Variants in ZNF711 observed in about 807,000 individuals in gnomAD.
ZNF711 encodes the protein ZFX family zinc finger ZNF711.
Under a neutral mutation model 43.5 loss-of-function variants are expected in ZNF711, and 3 were observed. The ratio of observed to expected loss-of-function variants is 0.07; its 90% CI spans 0.03 to 0.18. ZNF711 has a LOEUF of 0.18. Ranked by LOEUF, ZNF711 falls within the 10% of genes least tolerant of loss-of-function variation. The pLI is 1.00. For synonymous variants in ZNF711, 209 were observed against 207.7 expected, an observed-to-expected ratio of 1.01 and a Z score of -0.06; for missense variants, 412 against 604.0, an observed-to-expected ratio of 0.68 and a Z score of 3.33.
At chrX:85,254,848 A>G (rs184633919) in intron 4 of ZNF711, among the ~76,000 whole-genome samples, 24 of 109,255 alleles carry the variant, frequency 2.2e-4, no homozygotes, top group Non-Finnish European at 4.6e-4. Flanking sequence ...TCGCCAAACT[A>G]TTTTCGAGAG....
chrX:85,269,457 T>A (rs1172096975), intron 9 of ZNF711, among the ~76,000 whole-genome samples: 1 of 108,094 alleles, frequency 9.3e-6, no homozygotes, highest in Non-Finnish European at 1.9e-5. Context: ...CATAGCTCAC[T>A]GCAACCTTGA....
rs1928747701 is a variant in ZNF711, at chrX:85,244,110, A to C, written c.-487A>C. The C allele has an allele frequency of 6.8e-6, 1 of 147,818 alleles. No homozygotes were observed. Among genetic ancestry groups the C allele is most frequent in the South Asian group, 2.3e-4 (1 of 4,323 alleles). 12.2% of individuals were successfully genotyped at this position (147,818 alleles called of 1,213,427 possible). On this transcript the variant is annotated 5_prime_UTR_variant, in exon 1 of 11. Transcript: ENST00000674551. ...CCATCCAGAGCGCGGTCACAGTCCG[A>C]CTGGCGGCACGGAGGCGGCGGCGGC...
chrX:85,270,295 T>A (rs1931471084), intron 10 of ZNF711, 149 bp downstream of exon 10: 3 of 557,309 alleles, frequency 5.4e-6, no homozygotes, highest in East Asian at 3.8e-5. Flanking sequence ...TTTTTTTTTT[T>A]ACTTTGTGTG....
intron 5 of ZNF711, among the ~76,000 whole-genome samples, chrX:85,260,567 A>G (rs1460467707): frequency 2.0e-5 from 2 of 102,278 alleles, no homozygotes; most frequent in East Asian, 6.1e-4. Context: ...GAACTTTTTC[A>G]TCACCACAAA....
At chrX:85,247,711 C>A in intron 4 of ZNF711, 60 bp downstream of exon 4, 11 of 946,005 alleles carry the variant, frequency 1.2e-5, no homozygotes, top group South Asian at 2.0e-5. Flanking sequence ...TAATAAAAAT[C>A]AAAAATAAGT....
Position 85,254,461 on chromosome X carries a change from G to T in ZNF711, c.80-798G>T, listed in dbSNP as rs61533007. ...CTACTAAAAAAAATACAAAAAATTA[G>T]CCGGGCGCGGTGGCGGGCGCCTGTA... On this transcript the variant is annotated intron_variant, in intron 4 of 10. Coordinates refer to ENST00000674551, the MANE Select transcript of ZNF711 (RefSeq NM_001330574.2). Among the ~76,000 whole-genome samples the T allele has an allele frequency of 2.4e-5, 2 of 82,678 alleles. 1 individual carries two copies. The highest frequency in any genetic ancestry group is 4.4e-5 in the Non-Finnish European group (2 of 45,185). The allele number at this position is 82,678 out of a possible 115,157, so 71.8% of individuals were successfully genotyped here. A position where few individuals can be genotyped will look rare whatever the true frequency, so the allele number is the denominator to read the frequency against.
intron 4 of ZNF711, among the ~76,000 whole-genome samples, chrX:85,250,708 T>A (rs1569258813): frequency 9.0e-6 from 1 of 111,690 alleles, no homozygotes; most frequent in East Asian, 2.8e-4. Context: ...TGCTATTAGA[T>A]CAAGAGTAAC....
intron 5 of ZNF711, among the ~76,000 whole-genome samples, chrX:85,260,811 GC>G (rs1299258509): frequency 9.1e-6 from 1 of 109,811 alleles, no homozygotes; most frequent in Non-Finnish European, 1.9e-5. Flanking sequence ...GCTGAACCCC[GC>G]CCCCCCTGCT....
At position 85,273,293 on chromosome X, in the gene ZNF711, T is replaced by C. The variant is rs1293566279; in HGVS notation, c.*1465T>C. On this transcript the variant is annotated 3_prime_UTR_variant, in exon 11 of 11. Coordinates refer to ENST00000674551, the MANE Select transcript of ZNF711 (RefSeq NM_001330574.2). ...CTGTAAAATAAGATCGCTACTGTTA[T>C]GTGGGATTATTATTTCTAAATGTTA... The C allele has an allele frequency of 3.6e-5, 4 of 112,098 alleles. No homozygotes were observed. In the Admixed American group the frequency reaches 3.8e-4, roughly 11 times the overall value. The allele number at this position is 112,098 out of a possible 1,213,427, so 9.2% of individuals were successfully genotyped here.
At chrX:85,260,916 ACAGT>A (rs1930584903) in intron 5 of ZNF711, among the ~76,000 whole-genome samples, 1 of 111,366 alleles carries the variant, frequency 9.0e-6, no homozygotes, top group African/African-American at 3.3e-5. Flanking sequence ...CTTACCAATA[ACAGT>A]CAATTAACAT....
intron 10 of ZNF711, 44 bp downstream of exon 10, chrX:85,270,190 G>A (rs1274048299): frequency 2.6e-6 from 3 of 1,168,418 alleles, no homozygotes; most frequent in East Asian, 6.4e-5. Flanking sequence ...TTGAGATGTG[G>A]AAGTATTTTT....
intron 9 of ZNF711, 111 bp downstream of exon 9, chrX:85,268,452 T>A: frequency 1.1e-6 from 1 of 875,116 alleles, no homozygotes; most frequent in Non-Finnish European, 1.6e-6. Context: ...GACTCTTACT[T>A]GCTTAGTCAT....
At chrX:85,247,494 A>T in intron 3 of ZNF711, 53 bp from the exon 4 acceptor site, 1 of 892,239 alleles carries the variant, frequency 1.1e-6, no homozygotes. Context: ...TCTCAAAACA[A>T]CTAACTTTGG....
At chrX:85,267,173 TAACC>T in intron 7 of ZNF711, 101 bp from the exon 8 acceptor site, 1 of 699,178 alleles carries the variant, frequency 1.4e-6, no homozygotes, top group Non-Finnish European at 1.9e-6. Context: ...ATTTTTAAAT[TAACC>T]AAACTGAAAT....
chrX:85,255,569 G>A lies in ZNF711; in HGVS notation c.390G>A (p.Val130=), dbSNP rs1220173748. The A allele has an allele frequency of 1.7e-6, 2 of 1,209,934 alleles. No individual in the cohort carries two copies. Among genetic ancestry groups the A allele is most frequent in the Non-Finnish European group, 2.2e-6 (2 of 895,265 alleles). The change falls in exon 5 of 11, where the codon GTG becomes GTA. Residue 130 remains valine, a synonymous_variant. Coordinates refer to ENST00000674551, the MANE Select transcript of ZNF711 (RefSeq NM_001330574.2). ...ETVRVPEQVF[V]ADLVTGPNGH... ...TTAGGGTACCAGAGCAGGTTTTCGT[G>A]GCTGACCTTGTTACTGGTCCTAATG...
chrX:85,257,663 T>C (rs1457082599), intron 5 of ZNF711, among the ~76,000 whole-genome samples: 1 of 112,531 alleles, frequency 8.9e-6, no homozygotes, highest in Non-Finnish European at 1.9e-5. Context: ...GGTAGAATGA[T>C]TGTTTTCCAT....
chrX:85,263,293 G>A (rs1930824250), intron 5 of ZNF711, among the ~76,000 whole-genome samples: 1 of 110,843 alleles, frequency 9.0e-6, no homozygotes, highest in Non-Finnish European at 1.9e-5. Flanking sequence ...AAAATTTTAA[G>A]TGTATTTAAA....
chrX:85,245,787 G>T (rs1163272230), intron 1 of ZNF711, 116 bp from the exon 2 acceptor site: 1 of 111,994 alleles, frequency 8.9e-6, no homozygotes, highest in African/African-American at 3.3e-5. Context: ...TTGAGCATAT[G>T]AACCCTTCCC....
intron 9 of ZNF711, among the ~76,000 whole-genome samples, chrX:85,268,745 A>C (rs1031454055): frequency 4.5e-5 from 5 of 111,424 alleles, no homozygotes; most frequent in Non-Finnish European, 7.6e-5. Flanking sequence ...TTTATATATA[A>C]CTGTTATATA....
Sources: allele counts gnomAD v4.1 joint callset (sites outside exome capture counted in the v4.1 genomes callset), GRCh38; gene constraint gnomAD v4.1.1; transcripts MANE v1.5; gene names NCBI Gene and HGNC (gene_info 2026-07-23, HGNC 2026-07-21).